Variants in DEPTOR observed in about 807,000 individuals in gnomAD.
DEPTOR encodes the protein DEP domain-containing mTOR-interacting protein.
Under a neutral mutation model 41.6 loss-of-function variants are expected in DEPTOR, and 41 were observed. That is an observed-to-expected ratio of 0.98 (90% CI 0.77 to 1.28). The LOEUF is 1.28. Among genes scored for constraint, DEPTOR ranks in the 50% most tolerant of loss-of-function variants. DEPTOR has a pLI of 0.00. For missense variants in DEPTOR, 514 were observed against 527.9 expected, an observed-to-expected ratio of 0.97 and a Z score of 0.26; for synonymous variants, 195 against 192.3, an observed-to-expected ratio of 1.01 and a Z score of -0.12.
rs191251099 is a variant in DEPTOR, at chr8:119,878,574, G to A, written c.122+4606G>A. On this transcript the variant is annotated intron_variant, in intron 1 of 8. Coordinates refer to ENST00000286234, the MANE Select transcript of DEPTOR (RefSeq NM_022783.4). ...GATCTCTTGACCTCGTGATCCGCCC[G>A]CCTCGGCCTCCCAAAGTGCTGTGAT... Among the ~76,000 whole-genome samples, 1,170 of 151,092 alleles carry A rather than the reference G, an allele frequency of 7.7e-3. 9 individuals are homozygous for A. Among genetic ancestry groups the A allele is most frequent in the Middle Eastern group, 0.034 (10 of 292 alleles).
chr8:120,002,789 A>ATATATATATAT (rs1200601284), intron 5 of DEPTOR, among the ~76,000 whole-genome samples, 188 bp from the exon 6 acceptor site: 1 of 59,248 alleles, frequency 1.7e-5, no homozygotes, highest in Admixed American at 2.2e-4. Flanking sequence ...AAAAAAAAAA[A>ATATATATATAT]AAATATATAT....
At chr8:119,891,687 C>G (rs1827454502) in intron 1 of DEPTOR, among the ~76,000 whole-genome samples, 1 of 152,176 alleles carries the variant, frequency 6.6e-6, no homozygotes, top group Non-Finnish European at 1.5e-5. Context: ...GAGCTCTCAA[C>G]ATATGACTGA....
At chr8:120,021,784 G>A (rs1376732272) in intron 8 of DEPTOR, among the ~76,000 whole-genome samples, 1 of 152,106 alleles carries the variant, frequency 6.6e-6, no homozygotes, top group Non-Finnish European at 1.5e-5. Context: ...GAGGTATCAA[G>A]CCCATGCCCA....
At position 119,905,923 on chromosome 8, in the gene DEPTOR, G is replaced by A. The variant is rs1043002502; in HGVS notation, c.123-22477G>A. Among the ~76,000 whole-genome samples the A allele has an allele frequency of 2.2e-4, 33 of 152,184 alleles. No homozygotes were observed. In the East Asian group the frequency reaches 2.5e-3, roughly 12 times the overall value. Reference sequence around the variant, plus strand: ...CTCCCAAAGTGCTGGGATTAAAGGCGCAAGCCACTGCACTTGGCCAATTTT... The same window carrying A: ...CTCCCAAAGTGCTGGGATTAAAGGCACAAGCCACTGCACTTGGCCAATTTT... On this transcript the variant is annotated intron_variant, in intron 1 of 8. Transcript: ENST00000286234.
intron 1 of DEPTOR, chr8:119,874,559 C>T (rs1827208421): frequency 6.6e-6 from 1 of 152,398 alleles, no homozygotes; most frequent in Admixed American, 6.5e-5. Context: ...CTGCACCTAT[C>T]AGTTAATTGG....
intron 5 of DEPTOR, among the ~76,000 whole-genome samples, chr8:120,002,764 A>G (rs1812368507): frequency 7.9e-6 from 1 of 126,090 alleles, no homozygotes. Flanking sequence ...GCAACAGGGC[A>G]AGACTCCATC....
intron 1 of DEPTOR, among the ~76,000 whole-genome samples, chr8:119,885,508 G>T (rs115773901): frequency 6.6e-6 from 1 of 152,030 alleles, no homozygotes; most frequent in South Asian, 2.1e-4. Context: ...AAATTCTAAC[G>T]GTAGAAACAA....
intron 3 of DEPTOR, 94 bp downstream of exon 3, chr8:119,930,032 C>A: frequency 7.0e-7 from 1 of 1,432,886 alleles, no homozygotes; most frequent in Non-Finnish European, 9.3e-7. Flanking sequence ...CGTGGCTTTT[C>A]TATGTGGGCT....
At chr8:119,900,334 A>AC in intron 1 of DEPTOR, among the ~76,000 whole-genome samples, 1 of 102,948 alleles carries the variant, frequency 9.7e-6, no homozygotes, top group African/African-American at 3.1e-5. Flanking sequence ...AAAAAAAAAA[A>AC]AAAGAAAAAA....
intron 8 of DEPTOR, among the ~76,000 whole-genome samples, chr8:120,021,080 A>G (rs1812703405): frequency 6.7e-6 from 1 of 149,154 alleles, no homozygotes; most frequent in Admixed American, 6.7e-5. Flanking sequence ...AAATAAAATA[A>G]AATAAAATAG....
At chr8:119,910,660 C>T (rs6999911) in intron 1 of DEPTOR, among the ~76,000 whole-genome samples, 109,083 of 151,782 alleles carry the variant, frequency 0.72, 39,629 homozygotes, top group East Asian at 0.95. Flanking sequence ...AGGCTGGTCT[C>T]GAACTCCTGA....
intron 5 of DEPTOR, 138 bp from the exon 6 acceptor site, chr8:120,002,839 C>T (rs1472073792): frequency 1.8e-5 from 11 of 625,734 alleles, no homozygotes; most frequent in Non-Finnish European, 2.6e-5. Flanking sequence ...AGAGCTGCAA[C>T]TCAAGTTCTT....
At chr8:119,966,485 A>ATTTGT (rs1247141331) in intron 4 of DEPTOR, among the ~76,000 whole-genome samples, 1 of 152,084 alleles carries the variant, frequency 6.6e-6, no homozygotes. Context: ...CAAGAGGCAG[A>ATTTGT]TTTGTTTTGT....
At chr8:119,982,905 G>A (rs1462565826) in intron 4 of DEPTOR, among the ~76,000 whole-genome samples, 3 of 152,200 alleles carry the variant, frequency 2.0e-5, no homozygotes, top group Non-Finnish European at 4.4e-5. Flanking sequence ...GACTCATATG[G>A]TTTTGGCTGG....
intron 8 of DEPTOR, among the ~76,000 whole-genome samples, chr8:120,009,346 C>T (rs921082681): frequency 1.2e-4 from 18 of 152,152 alleles, no homozygotes; most frequent in African/African-American, 4.1e-4. Context: ...GGCGCGGTGG[C>T]TCACACCTGT....
At chr8:119,928,838 G>A (rs777888180) in intron 2 of DEPTOR, among the ~76,000 whole-genome samples, 20 of 149,144 alleles carry the variant, frequency 1.3e-4, no homozygotes, top group African/African-American at 4.7e-4. Context: ...TGATCTGCCC[G>A]CCTCAGCCCC....
rs1036184162 is a variant in DEPTOR at position 119,939,612 on chromosome 8, C to T, written c.425+9674C>T. Among the ~76,000 whole-genome samples, 32 of 152,144 alleles carry T rather than the reference C, an allele frequency of 2.1e-4. 2 individuals are homozygous for T. Among genetic ancestry groups the T allele is most frequent in the Admixed American group, 1.5e-3 (23 of 15,270 alleles). ...AAGTGATTCTCTTGCCTCAGCCTCC[C>T]GAATAGCTGGGAGTATAAGCATGTG... is the stretch of plus-strand genomic sequence containing the variant. On this transcript the variant is annotated intron_variant, in intron 3 of 8. Transcript: ENST00000286234.
At chr8:120,021,130 G>C (rs796470109) in intron 8 of DEPTOR, among the ~76,000 whole-genome samples, 4 of 51,882 alleles carry the variant, frequency 7.7e-5, no homozygotes, top group African/African-American at 3.1e-4. Context: ...ATGTGGGCCA[G>C]GTGCGGTGGC....
chr8:119,885,931 G>A (rs916073032), intron 1 of DEPTOR, among the ~76,000 whole-genome samples: 1 of 150,794 alleles, frequency 6.6e-6, no homozygotes, highest in Non-Finnish European at 1.5e-5. Flanking sequence ...TTCAGCTCTC[G>A]GTGTACTAAC....
Sources: gnomAD v4.1 joint callset for allele counts (sites outside exome capture counted in the v4.1 genomes callset) on GRCh38, gnomAD v4.1.1 for gene constraint, MANE v1.5 for transcripts, NCBI Gene and HGNC (gene_info 2026-07-23, HGNC 2026-07-21) for gene names.